C8orf34: variants seen among roughly 807,000 people sequenced by gnomAD.
C8orf34 encodes the protein chromosome 8 open reading frame 34.
In C8orf34, 65 loss-of-function variants were observed where a neutral mutation model predicts 68.3. The ratio of observed to expected loss-of-function variants is 0.95; its 90% CI spans 0.78 to 1.17. The LOEUF (loss-of-function observed/expected upper bound fraction) is 1.17, where lower values mean the gene tolerates loss of function less well. Among genes scored for constraint, C8orf34 ranks in the 50% most tolerant of loss-of-function variants. The probability of loss-of-function intolerance (pLI) is 0.00; values close to 1 mark genes in which losing one functional copy is unlikely to be tolerated. For synonymous variants in C8orf34, 244 were observed against 241.2 expected (o/e 1.01, Z -0.11); for missense variants, 664 against 655.4 (o/e 1.01, Z -0.14).
chr8:68,728,785 G>A (rs1460120520), intron 10 of C8orf34, among the ~76,000 whole-genome samples: 1 of 152,210 alleles, frequency 6.6e-6, no homozygotes, highest in African/African-American at 2.4e-5. Flanking sequence ...TTTCAGTGGG[G>A]ACACTGCCAA....
intron 4 of C8orf34, among the ~76,000 whole-genome samples, chr8:68,469,613 A>G: frequency 6.6e-6 from 1 of 152,068 alleles, no homozygotes; most frequent in Middle Eastern, 3.4e-3. Context: ...GTATTCCTAC[A>G]TTTTTTTGGT....
At chr8:68,754,853 A>G (rs1213757345) in intron 10 of C8orf34, among the ~76,000 whole-genome samples, 1 of 152,254 alleles carries the variant, frequency 6.6e-6, no homozygotes. Context: ...GGGCAACTGT[A>G]CTATATATAT....
chr8:68,799,768 G>A (rs1423350722), intron 12 of C8orf34, among the ~76,000 whole-genome samples: 1 of 152,170 alleles, frequency 6.6e-6, no homozygotes, highest in Non-Finnish European at 1.5e-5. Context: ...TTTCTTAAGA[G>A]AAGTAAAATG....
chr8:68,430,724 G>T (rs1810418957), intron 1 of C8orf34, among the ~76,000 whole-genome samples: 1 of 152,110 alleles, frequency 6.6e-6, no homozygotes, highest in South Asian at 2.1e-4. Context: ...GCTATTTCCA[G>T]CTTAGCAGCT....
At chr8:68,673,218 G>A (rs896791186) in intron 8 of C8orf34, among the ~76,000 whole-genome samples, 3 of 152,080 alleles carry the variant, frequency 2.0e-5, no homozygotes, top group African/African-American at 7.2e-5. Context: ...TGCTATGGGA[G>A]GGACTTCTAC....
At chr8:68,371,398 T>C (rs939665001) in intron 1 of C8orf34, among the ~76,000 whole-genome samples, 1 of 152,074 alleles carries the variant, frequency 6.6e-6, no homozygotes, top group Non-Finnish European at 1.5e-5. Flanking sequence ...AACTCACAAA[T>C]TGAAAATTTA....
At chr8:68,463,971 G>A (rs1417157169) in intron 3 of C8orf34, among the ~76,000 whole-genome samples, 2 of 152,200 alleles carry the variant, frequency 1.3e-5, no homozygotes, top group Admixed American at 1.3e-4. Flanking sequence ...GAAATAAAGG[G>A]TATTCAATTA....
At chr8:68,646,842 A>G (rs577382222) in intron 8 of C8orf34, among the ~76,000 whole-genome samples, 1 of 152,296 alleles carries the variant, frequency 6.6e-6, no homozygotes, top group East Asian at 1.9e-4. Context: ...TATATATACC[A>G]CATTTTGTTT....
chr8:68,553,140 C>T (rs1295971944), intron 7 of C8orf34, among the ~76,000 whole-genome samples: 2 of 152,042 alleles, frequency 1.3e-5, no homozygotes, highest in African/African-American at 4.8e-5. Flanking sequence ...AATCCCAGCA[C>T]TTTGGGAGGC....
At position 68,395,091 on chromosome 8, in the gene C8orf34, C is replaced by A. The variant is rs17467083; in HGVS notation, c.328-44408C>A. Among the ~76,000 whole-genome samples, 1,087 of 152,088 alleles carry A rather than the reference C, an allele frequency of 7.1e-3. 8 individuals are homozygous for A. Among genetic ancestry groups the A allele is most frequent in the Non-Finnish European group, 0.011 (727 of 67,980 alleles). On this transcript the variant is annotated intron_variant, in intron 1 of 13. Coordinates refer to ENST00000518698, the MANE Select transcript of C8orf34 (RefSeq NM_052958.4). ...CTCCATACCAAGTCAAGTAACAGAA[C>A]ATTCCTAAATGTCAAATATGTGGAA...
At chr8:68,666,780 AT>A (rs1201232926) in intron 8 of C8orf34, among the ~76,000 whole-genome samples, 1 of 152,204 alleles carries the variant, frequency 6.6e-6, no homozygotes, top group African/African-American at 2.4e-5. Context: ...TTTAGAAAAA[AT>A]GAATTGATTT....
intron 7 of C8orf34, among the ~76,000 whole-genome samples, chr8:68,627,794 A>G (rs906981627): frequency 1.3e-5 from 2 of 152,180 alleles, no homozygotes; most frequent in African/African-American, 4.8e-5. Context: ...TTCATTTGCA[A>G]TCTAAGCAAA....
chr8:68,475,333 TTTTA>T (rs1179556235), intron 4 of C8orf34, among the ~76,000 whole-genome samples: 2 of 152,238 alleles, frequency 1.3e-5, no homozygotes, highest in Non-Finnish European at 2.9e-5. Flanking sequence ...TATGATCTGT[TTTTA>T]TTTATCTCCT....
intron 12 of C8orf34, among the ~76,000 whole-genome samples, chr8:68,808,338 T>G (rs1824544655): frequency 6.6e-6 from 1 of 152,220 alleles, no homozygotes; most frequent in African/African-American, 2.4e-5. Context: ...GATTATTGCA[T>G]TTTGTTTTCA....
intron 5 of C8orf34, among the ~76,000 whole-genome samples, chr8:68,519,029 G>A (rs56160774): frequency 0.055 from 8,345 of 152,124 alleles, 249 homozygotes; most frequent in Middle Eastern, 0.12. Flanking sequence ...GATAAAATGT[G>A]CTTCAAAATG....
At chr8:68,538,106 A>G (rs929775137) in intron 7 of C8orf34, among the ~76,000 whole-genome samples, 1 of 152,216 alleles carries the variant, frequency 6.6e-6, no homozygotes. Flanking sequence ...CATTTCCAAT[A>G]TATTTGTGAA....
intron 11 of C8orf34, among the ~76,000 whole-genome samples, chr8:68,780,876 C>T (rs995897027): frequency 2.0e-5 from 3 of 152,154 alleles, no homozygotes; most frequent in Non-Finnish European, 4.4e-5. Context: ...AAGGGAATTT[C>T]ATTTTAACGG....
At chr8:68,347,345 T>A (rs1402404169) in intron 1 of C8orf34, among the ~76,000 whole-genome samples, 1 of 152,128 alleles carries the variant, frequency 6.6e-6, no homozygotes, top group Non-Finnish European at 1.5e-5. Context: ...GTACTACATT[T>A]TTTTAATCCA....
At chr8:68,618,459 C>G (rs1380413805) in intron 7 of C8orf34, among the ~76,000 whole-genome samples, 1 of 152,134 alleles carries the variant, frequency 6.6e-6, no homozygotes, top group Non-Finnish European at 1.5e-5. Context: ...AACAGATCCT[C>G]CCACCTCAGC....
Sources: gnomAD v4.1 joint callset for allele counts (sites outside exome capture counted in the v4.1 genomes callset) on GRCh38, gnomAD v4.1.1 for gene constraint, MANE v1.5 for transcripts, NCBI Gene and HGNC (gene_info 2026-07-23, HGNC 2026-07-21) for gene names.